The following RELN variants were observed in gnomAD, a reference collection of about 807,000 sequenced individuals.
RELN encodes reelin.
RELN carries 108 observed loss-of-function variants against 427.6 expected under a neutral mutation model. The observed-to-expected ratio is 0.25, with a 90% CI of 0.22 to 0.30. The LOEUF is 0.30. Ranked by LOEUF, RELN falls within the 10% of genes least tolerant of loss-of-function variation. The pLI, the probability that RELN is intolerant of heterozygous loss-of-function variation, is 1.00. For missense variants in RELN, 3,715 were observed against 4,302.8 expected, an observed-to-expected ratio of 0.86 and a Z score of 3.82; for synonymous variants, 1,524 against 1,513.4, an observed-to-expected ratio of 1.01 and a Z score of -0.16.
At chr7:103,877,220 A>C (rs985479583) in intron 2 of RELN, among the ~76,000 whole-genome samples, 8 of 152,064 alleles carry the variant, frequency 5.3e-5, no homozygotes, top group African/African-American at 1.7e-4. Flanking sequence ...TTTACTTGTC[A>C]TCTATGGAAA....
intron 36 of RELN, among the ~76,000 whole-genome samples, chr7:103,560,098 C>T (rs1394601329): frequency 3.9e-5 from 6 of 152,158 alleles, no homozygotes; most frequent in Non-Finnish European, 7.4e-5. Context: ...GATATTTATA[C>T]AGCAGAACTG....
At chr7:103,920,566 GGTTTTTTTTTTT>G (rs1795591265) in intron 1 of RELN, among the ~76,000 whole-genome samples, 4 of 114,688 alleles carry the variant, frequency 3.5e-5, no homozygotes, top group Non-Finnish European at 4.8e-5. Flanking sequence ...ACCAGTCTTT[GGTTTTTTTTTTT>G]GTTTTTTTTT....
At chr7:103,520,957 A>ATTTT (rs55830035) in intron 48 of RELN, among the ~76,000 whole-genome samples, 906 of 79,110 alleles carry the variant, frequency 0.011, 105 homozygotes, top group East Asian at 0.019. Flanking sequence ...TAAATTTGTT[A>ATTTT]TTTTTTTTTT....
At chr7:103,714,819 G>T (rs542165859) in intron 8 of RELN, among the ~76,000 whole-genome samples, 1 of 152,276 alleles carries the variant, frequency 6.6e-6, no homozygotes, top group African/African-American at 2.4e-5. Flanking sequence ...ACTGAAAGGA[G>T]CCCACAGATA....
chr7:103,718,503 T>A (rs907130113), intron 8 of RELN, among the ~76,000 whole-genome samples: 5 of 152,204 alleles, frequency 3.3e-5, no homozygotes, highest in Admixed American at 6.5e-5. Context: ...TATGTATTTC[T>A]GTCTACTTGT....
chr7:103,625,680 CT>C (rs1491423339), intron 20 of RELN, among the ~76,000 whole-genome samples: 1 of 149,088 alleles, frequency 6.7e-6, no homozygotes, highest in African/African-American at 2.4e-5. Flanking sequence ...TGTATCCCCC[CT>C]TTTTTTAGAA....
At chr7:103,759,682 T>C (rs1791247409) in intron 4 of RELN, among the ~76,000 whole-genome samples, 1 of 152,144 alleles carries the variant, frequency 6.6e-6, no homozygotes, top group Admixed American at 6.5e-5. Context: ...GAAGAACCAC[T>C]TTTTACTCAC....
chr7:103,672,306 G>T (rs1362363841), intron 11 of RELN, among the ~76,000 whole-genome samples: 1 of 152,246 alleles, frequency 6.6e-6, no homozygotes, highest in South Asian at 2.1e-4. Context: ...TTACTATGGG[G>T]CTGGGGGCCT....
At chr7:103,776,834 A>G (rs1273938526) in intron 3 of RELN, among the ~76,000 whole-genome samples, 3 of 152,208 alleles carry the variant, frequency 2.0e-5, no homozygotes, top group African/African-American at 7.2e-5. Flanking sequence ...TGGTTTTACT[A>G]TATAAAGACA....
intron 42 of RELN, among the ~76,000 whole-genome samples, chr7:103,543,801 T>G (rs570978097): frequency 6.6e-6 from 1 of 152,350 alleles, no homozygotes; most frequent in South Asian, 2.1e-4. Flanking sequence ...CACGTCAAAG[T>G]AAACAATTCA....
chr7:103,803,028 T>A (rs1006751237), intron 3 of RELN, among the ~76,000 whole-genome samples: 1 of 152,158 alleles, frequency 6.6e-6, no homozygotes, highest in African/African-American at 2.4e-5. Context: ...CAGGCCCTAT[T>A]TCAAAGTGAA....
Position 103,496,682 on chromosome 7 carries a change from G to A in RELN, c.9037C>T (p.Leu3013Phe). ...HDYILLPEDA[L>F]TNTTRLRWWQ... ...CAGCGAAGTCGAGTTGTGTTGGTGAGGGCATCTTCAGGAAGAAGTATGTAG... is the reference window on the plus strand; with the variant it reads ...CAGCGAAGTCGAGTTGTGTTGGTGAAGGCATCTTCAGGAAGAAGTATGTAG... Residue 3013 changes from leucine to phenylalanine, a missense_variant, in exon 56 of 65, where the codon CTC becomes TTC. By Grantham distance (22) the Leu-to-Phe change is conservative (BLOSUM62 0). Coordinates refer to ENST00000428762, the MANE Select transcript of RELN (RefSeq NM_005045.4). The A allele has an allele frequency of 6.2e-7, 1 of 1,614,160 alleles. No homozygotes were observed. The highest frequency in any genetic ancestry group is 1.3e-5 in the African/African-American group (1 of 75,032).
intron 4 of RELN, among the ~76,000 whole-genome samples, chr7:103,757,185 T>C (rs998757097): frequency 5.3e-5 from 8 of 152,168 alleles, no homozygotes; most frequent in Admixed American, 2.6e-4. Flanking sequence ...TCTTATATTA[T>C]ATGAACTTGG....
chr7:103,812,575 G>A (rs1179214027), intron 3 of RELN, among the ~76,000 whole-genome samples: 1 of 152,168 alleles, frequency 6.6e-6, no homozygotes, highest in Non-Finnish European at 1.5e-5. Context: ...GTCTTCTATT[G>A]CAGTTTATAG....
At chr7:103,886,356 G>A (rs954387211) in intron 2 of RELN, among the ~76,000 whole-genome samples, 20 of 152,172 alleles carry the variant, frequency 1.3e-4, no homozygotes, top group Middle Eastern at 3.4e-3. Context: ...ATTCTTTAAA[G>A]GATATCCAAC....
At position 103,500,941 on chromosome 7, in the gene RELN, CA is replaced by C. The variant is rs1478764734; in HGVS notation, c.8490-20del. On this transcript the variant is annotated intron_variant, in intron 52 of 64. Transcript: ENST00000428762. ...TACCGGACTATTGACAATGCAAAAG[CA>C]AAGGAGTGAAAAACAAAAGTTAACT... 6.2e-7 allele frequency: 1 copy of C among 1,613,454 alleles called. No homozygotes were observed. Among genetic ancestry groups the C allele is most frequent in the South Asian group, 1.1e-5 (1 of 91,024 alleles).
At chr7:103,526,838 G>T (rs1385854520) in intron 46 of RELN, among the ~76,000 whole-genome samples, 1 of 151,974 alleles carries the variant, frequency 6.6e-6, no homozygotes, top group Non-Finnish European at 1.5e-5. Flanking sequence ...GGAGTTCCTC[G>T]GCAGGTGTTA....
intron 1 of RELN, among the ~76,000 whole-genome samples, chr7:103,928,511 C>G (rs760757909): frequency 6.6e-6 from 1 of 152,196 alleles, no homozygotes; most frequent in East Asian, 1.9e-4. Context: ...AGACCAACTA[C>G]AGTGATAGAA....
At chr7:103,705,476 A>G (rs1834179773) in intron 8 of RELN, among the ~76,000 whole-genome samples, 2 of 152,212 alleles carry the variant, frequency 1.3e-5, no homozygotes, top group South Asian at 4.1e-4. Context: ...TAGTAGGTGT[A>G]TCTTATAATT....
Sources: allele counts gnomAD v4.1 joint callset (sites outside exome capture counted in the v4.1 genomes callset), GRCh38; gene constraint gnomAD v4.1.1; transcripts MANE v1.5; gene names NCBI Gene and HGNC (gene_info 2026-07-23, HGNC 2026-07-21).